SNTB1: variants seen among roughly 807,000 people sequenced by gnomAD.
The protein encoded by SNTB1 is beta-1-syntrophin.
Under a neutral mutation model 48.9 loss-of-function variants are expected in SNTB1, and 36 were observed. The ratio of observed to expected loss-of-function variants is 0.74; its 90% CI spans 0.56 to 0.97. The LOEUF is 0.97. Ranked by LOEUF, SNTB1 falls within the 50% of genes least tolerant of loss-of-function variation. The probability of loss-of-function intolerance (pLI) is 0.00; values close to 1 mark genes in which losing one functional copy is unlikely to be tolerated. For synonymous variants in SNTB1, 299 were observed against 294.6 expected (o/e 1.01, Z -0.15); for missense variants, 786 against 703.4 (o/e 1.12, Z -1.33).
At chr8:120,795,421 G>T (rs1820106592) in intron 1 of SNTB1, among the ~76,000 whole-genome samples, 1 of 151,966 alleles carries the variant, frequency 6.6e-6, no homozygotes, top group Non-Finnish European at 1.5e-5. Flanking sequence ...CTTTGCCATT[G>T]CCCAGCTCTC....
intron 2 of SNTB1, among the ~76,000 whole-genome samples, chr8:120,642,469 C>T (rs1032683276): frequency 7.2e-5 from 11 of 152,206 alleles, no homozygotes; most frequent in African/African-American, 2.7e-4. Context: ...AGATTGAAGA[C>T]CACCACAGGC....
chr8:120,542,061 CCAAT>C, intron 5 of SNTB1, 61 bp from the exon 6 acceptor site: 1 of 1,403,598 alleles, frequency 7.1e-7, no homozygotes, highest in Non-Finnish European at 9.8e-7. Context: ...ATCCATTTTC[CCAAT>C]CACTCACTTC....
At chr8:120,804,167 C>T (rs545980022) in intron 1 of SNTB1, among the ~76,000 whole-genome samples, 4 of 151,886 alleles carry the variant, frequency 2.6e-5, no homozygotes, top group African/African-American at 2.4e-5. Context: ...AATTCTTTCT[C>T]TCCCTTTCCT....
At chr8:120,689,666 AT>A (rs575234786) in intron 2 of SNTB1, among the ~76,000 whole-genome samples, 401 of 151,992 alleles carry the variant, frequency 2.6e-3, no homozygotes, top group African/African-American at 9.3e-3. Flanking sequence ...ATTATTATTT[AT>A]TTTTGAAGAA....
Position 120,809,303 on chromosome 8 carries a change from T to G in SNTB1, c.571+1970A>C, listed in dbSNP as rs1410638863. The stretch of plus-strand genomic sequence containing the variant: ...GGCTGCTACACTGAGCCAAAAAGGT[T>G]CATATCTCAGAGACCCACAGGGTTT... On this transcript the variant is annotated intron_variant, in intron 1 of 6. Transcript: ENST00000517992. Among the ~76,000 whole-genome samples the G allele has an allele frequency of 2.0e-5, 3 of 152,230 alleles. No homozygotes were observed. In the East Asian group the frequency reaches 5.8e-4, roughly 29 times the overall value.
At chr8:120,751,368 G>C (rs1158236465) in intron 1 of SNTB1, among the ~76,000 whole-genome samples, 1 of 152,140 alleles carries the variant, frequency 6.6e-6, no homozygotes, top group Admixed American at 6.5e-5. Flanking sequence ...CTTTCAGACA[G>C]GAGGGTTTTG....
chr8:120,648,656 C>G (rs1187128617), intron 2 of SNTB1, among the ~76,000 whole-genome samples: 1 of 151,698 alleles, frequency 6.6e-6, no homozygotes, highest in African/African-American at 2.4e-5. Context: ...TGGAGTTGCT[C>G]TTCTCGAGGA....
intron 4 of SNTB1, among the ~76,000 whole-genome samples, chr8:120,552,856 G>A (rs1563815490): frequency 6.6e-6 from 1 of 151,836 alleles, no homozygotes. Context: ...AGAATCAGTG[G>A]GAGCCCTGCG....
At chr8:120,795,366 G>T (rs1820105857) in intron 1 of SNTB1, among the ~76,000 whole-genome samples, 2 of 152,082 alleles carry the variant, frequency 1.3e-5, no homozygotes, top group South Asian at 4.2e-4. Context: ...TGTACCAGGG[G>T]ACCTGGTCCC....
chr8:120,708,050 T>A (rs541871954), intron 1 of SNTB1, among the ~76,000 whole-genome samples: 7 of 151,780 alleles, frequency 4.6e-5, no homozygotes, highest in African/African-American at 1.7e-4. Context: ...AATAAAAAAA[T>A]TGACATAAAA....
rs1446917378 is a variant in SNTB1 at position 120,663,024 on chromosome 8, T to TG, written c.789-30374dup. 2.7e-3 allele frequency among the ~76,000 whole-genome samples: 139 copies of TG among 52,048 alleles called. 4 individuals carry two copies. Among genetic ancestry groups the TG allele is most frequent in the African/African-American group, 5.8e-3 (81 of 13,918 alleles). The allele number at this position is 52,048 out of a possible 152,430, so 34.1% of individuals were successfully genotyped here. On this transcript the variant is annotated intron_variant, in intron 2 of 6. Transcript: ENST00000517992. The stretch of plus-strand genomic sequence containing the variant: ...GTGTGTGTGGGGGTGGGGGGGCTGG[T>TG]GGGGGGGGTATTTGGGTGGTGGCAG...
chr8:120,563,972 G>C (rs149927477), intron 4 of SNTB1, among the ~76,000 whole-genome samples: 170 of 152,210 alleles, frequency 1.1e-3, no homozygotes, highest in African/African-American at 3.8e-3. Flanking sequence ...GCCAGGCATG[G>C]AGGCTTACAC....
At chr8:120,712,441 T>C (rs1246365068) in intron 1 of SNTB1, among the ~76,000 whole-genome samples, 1 of 143,662 alleles carries the variant, frequency 7.0e-6, no homozygotes, top group African/African-American at 2.6e-5. Context: ...AAAGAAGAAA[T>C]ATATGACATT....
At chr8:120,573,269 C>T (rs1802921792) in intron 4 of SNTB1, among the ~76,000 whole-genome samples, 1 of 152,340 alleles carries the variant, frequency 6.6e-6, no homozygotes, top group Middle Eastern at 3.4e-3. Context: ...TCCTAACACA[C>T]ATCCTAAGCA....
At chr8:120,732,215 G>T (rs144428811) in intron 1 of SNTB1, among the ~76,000 whole-genome samples, 1 of 152,260 alleles carries the variant, frequency 6.6e-6, no homozygotes, top group East Asian at 1.9e-4. Flanking sequence ...GTCATCAAAT[G>T]CTTCCTACAA....
intron 1 of SNTB1, among the ~76,000 whole-genome samples, chr8:120,712,414 CAAAA>C (rs370583854): frequency 1.2e-5 from 1 of 81,330 alleles, no homozygotes. Context: ...GACTCCATCT[CAAAA>C]AAAAAAAAAA....
chr8:120,667,097 CTTCT>C (rs1432946214), intron 2 of SNTB1, among the ~76,000 whole-genome samples: 3 of 104,370 alleles, frequency 2.9e-5, no homozygotes, highest in Non-Finnish European at 6.5e-5. Context: ...CTCTCTCTCT[CTTCT>C]TTTTTTTTTT....
chr8:120,793,753 C>G (rs979948330), intron 1 of SNTB1, among the ~76,000 whole-genome samples: 2 of 151,894 alleles, frequency 1.3e-5, no homozygotes, highest in African/African-American at 2.4e-5. Context: ...TTTAAAAATC[C>G]TATTTATTTA....
At chr8:120,623,795 C>T (rs1816829485) in intron 3 of SNTB1, among the ~76,000 whole-genome samples, 1 of 152,216 alleles carries the variant, frequency 6.6e-6, no homozygotes, top group Non-Finnish European at 1.5e-5. Flanking sequence ...GGCAGCTCTT[C>T]TGGAACACAT....
Sources: allele counts gnomAD v4.1 joint callset (sites outside exome capture counted in the v4.1 genomes callset), GRCh38; gene constraint gnomAD v4.1.1; transcripts MANE v1.5; gene names NCBI Gene and HGNC (gene_info 2026-07-23, HGNC 2026-07-21).